FHIT: variants seen among roughly 807,000 people sequenced by gnomAD.
The protein encoded by FHIT is bis(5'-adenosyl)-triphosphatase.
In FHIT, 19 loss-of-function variants were observed where a neutral mutation model predicts 17.9. The ratio of observed to expected loss-of-function variants is 1.06; its 90% confidence interval spans 0.74 to 1.56. FHIT has a LOEUF of 1.56. Among genes scored for constraint, FHIT ranks in the 40% most tolerant of loss-of-function variants. The probability of loss-of-function intolerance (pLI) is 0.00; values close to 1 mark genes in which losing one functional copy is unlikely to be tolerated. For synonymous variants in FHIT, 81 were observed against 69.7 expected (o/e 1.16, Z -0.81); for missense variants, 248 against 189.2 (o/e 1.31, Z -1.82).
chr3:59,810,486 G>A (rs1325767497), intron 8 of FHIT, among the ~76,000 whole-genome samples: 1 of 152,194 alleles, frequency 6.6e-6, no homozygotes, highest in Non-Finnish European at 1.5e-5. Context: ...CTGGCTGGAT[G>A]CAGTTTGCCA....
chr3:60,210,971 A>G (rs1369026045), intron 5 of FHIT, among the ~76,000 whole-genome samples: 1 of 151,998 alleles, frequency 6.6e-6, no homozygotes, highest in East Asian at 1.9e-4. Flanking sequence ...AGCATTATTT[A>G]AAATAACAAG....
intron 5 of FHIT, among the ~76,000 whole-genome samples, chr3:60,292,879 T>G (rs529061749): frequency 3.6e-4 from 55 of 152,102 alleles, no homozygotes; most frequent in African/African-American, 1.2e-3. Flanking sequence ...AAATCCCTGA[T>G]AGTCAATTAA....
Position 60,066,630 on chromosome 3 carries a change from A to ATTTTTTTTTT in FHIT, c.104-52488_104-52479dup, listed in dbSNP as rs71089574. Among the ~76,000 whole-genome samples, 63 of 51,422 alleles carry ATTTTTTTTTT rather than the reference A, an allele frequency of 1.2e-3. 2 individuals are homozygous for ATTTTTTTTTT. Among genetic ancestry groups the ATTTTTTTTTT allele is most frequent in the East Asian group, 3.0e-3 (4 of 1,342 alleles). 33.7% of individuals were successfully genotyped at this position (51,422 alleles called of 152,430 possible). ...ATAGGTTGATTTTAATCCCTGACAAATTTTTTTTTTTTTTTTTTTTTTTTT... is the reference window on the plus strand; with the variant it reads ...ATAGGTTGATTTTAATCCCTGACAAATTTTTTTTTTTTTTTTTTTTTTTTTTTTTTTTTTT... On this transcript the variant is annotated intron_variant, in intron 5 of 9. Transcript: ENST00000492590.
At chr3:60,468,062 A>G (rs536837637) in intron 5 of FHIT, among the ~76,000 whole-genome samples, 3 of 152,186 alleles carry the variant, frequency 2.0e-5, no homozygotes, top group Admixed American at 2.0e-4. Context: ...GTCTCTTACC[A>G]TAGTTTTTGT....
intron 5 of FHIT, among the ~76,000 whole-genome samples, chr3:60,213,892 C>T (rs879788162): frequency 3.3e-5 from 5 of 152,150 alleles, no homozygotes; most frequent in Non-Finnish European, 7.3e-5. Flanking sequence ...CTATCTACAT[C>T]TCCTATCTCT....
chr3:60,389,143 T>C (rs1051365085), intron 5 of FHIT, among the ~76,000 whole-genome samples: 1 of 152,178 alleles, frequency 6.6e-6, no homozygotes, highest in African/African-American at 2.4e-5. Flanking sequence ...GTTCACAAAA[T>C]ATGGTCCCTC....
intron 5 of FHIT, among the ~76,000 whole-genome samples, chr3:60,213,178 G>A (rs1703536231): frequency 1.3e-5 from 2 of 152,228 alleles, no homozygotes; most frequent in South Asian, 2.1e-4. Context: ...GTATTCCAAT[G>A]ATAGAGAGAA....
chr3:60,060,185 T>TA (rs113982258), intron 5 of FHIT, among the ~76,000 whole-genome samples: 11,911 of 147,228 alleles, frequency 0.081, 491 homozygotes, highest in Middle Eastern at 0.14. Flanking sequence ...TAATTGGTGT[T>TA]AAAAAAAAAA....
chr3:60,274,694 G>A (rs1183772764), intron 5 of FHIT, among the ~76,000 whole-genome samples: 1 of 152,126 alleles, frequency 6.6e-6, no homozygotes, highest in East Asian at 1.9e-4. Context: ...TAAAACAGAA[G>A]ATATAGTCTC....
rs2687181 is a variant in FHIT, at chr3:60,417,925, G to A, written c.103+118935C>T. Among the ~76,000 whole-genome samples, 26 of 152,178 alleles carry A rather than the reference G, an allele frequency of 1.7e-4. 1 individual carries two copies. Among genetic ancestry groups the A allele is most frequent in the South Asian group, 4.2e-4 (2 of 4,818 alleles). On this transcript the variant is annotated intron_variant, in intron 5 of 9. Coordinates refer to ENST00000492590, the MANE Select transcript of FHIT (RefSeq NM_002012.4). ...CAGCCAAACATGGCCGAAATCTCCC[G>A]AGCATTTTATGAACTCCCATGTCAT...
At chr3:59,801,648 C>T (rs1699997362) in intron 8 of FHIT, among the ~76,000 whole-genome samples, 2 of 152,076 alleles carry the variant, frequency 1.3e-5, no homozygotes, top group African/African-American at 4.8e-5. Context: ...TGTATCAATG[C>T]TAGATACACC....
chr3:60,954,112 A>C (rs1371606246), intron 3 of FHIT, among the ~76,000 whole-genome samples: 2 of 152,218 alleles, frequency 1.3e-5, no homozygotes, highest in Non-Finnish European at 2.9e-5. Context: ...AGAAGAAGCC[A>C]ATCTATAATG....
chr3:59,988,846 G>A (rs974462067), intron 7 of FHIT, among the ~76,000 whole-genome samples: 2 of 152,196 alleles, frequency 1.3e-5, no homozygotes, highest in Admixed American at 6.6e-5. Context: ...TTAGGGCCTC[G>A]AGCAGGAGGA....
At chr3:61,191,870 T>C (rs1435977484) in intron 2 of FHIT, among the ~76,000 whole-genome samples, 1 of 152,056 alleles carries the variant, frequency 6.6e-6, no homozygotes, top group Non-Finnish European at 1.5e-5. Flanking sequence ...AGAACAAAGT[T>C]GGGAAGCACC....
intron 8 of FHIT, among the ~76,000 whole-genome samples, chr3:59,890,460 G>A (rs1049489136): frequency 3.9e-5 from 6 of 152,110 alleles, no homozygotes; most frequent in Admixed American, 2.0e-4. Context: ...GGAAAGGCTG[G>A]GTTTAGGGTT....
chr3:60,611,759 A>T (rs1404459002), intron 4 of FHIT, among the ~76,000 whole-genome samples: 1 of 152,182 alleles, frequency 6.6e-6, no homozygotes, highest in African/African-American at 2.4e-5. Flanking sequence ...ATGGCTAACA[A>T]AAGATGCCCT....
intron 5 of FHIT, among the ~76,000 whole-genome samples, chr3:60,034,748 A>G (rs979157210): frequency 1.3e-4 from 20 of 152,316 alleles, no homozygotes; most frequent in African/African-American, 4.3e-4. Flanking sequence ...TCTATTCAAC[A>G]TTGACATTTA....
At chr3:59,931,256 T>C (rs1384838654) in intron 7 of FHIT, among the ~76,000 whole-genome samples, 3 of 152,212 alleles carry the variant, frequency 2.0e-5, no homozygotes, top group Admixed American at 2.0e-4. Flanking sequence ...GAATGTATTC[T>C]ACTTCATCCA....
chr3:60,519,288 T>C (rs995872296), intron 5 of FHIT, among the ~76,000 whole-genome samples: 3 of 152,184 alleles, frequency 2.0e-5, no homozygotes, highest in African/African-American at 2.4e-5. Flanking sequence ...TGCAGCTTCA[T>C]AGATATAATT....
Sources: gnomAD v4.1 joint callset for allele counts (sites outside exome capture counted in the v4.1 genomes callset) on GRCh38, gnomAD v4.1.1 for gene constraint, MANE v1.5 for transcripts, NCBI Gene and HGNC (gene_info 2026-07-23, HGNC 2026-07-21) for gene names.